The following SCFD2 variants were observed in gnomAD, a reference collection of about 807,000 sequenced individuals.
The protein encoded by SCFD2 is sec1 family domain containing 2.
In SCFD2, 54 loss-of-function variants were observed where a neutral mutation model predicts 58.9. That is an observed-to-expected ratio of 0.92 (90% CI 0.74 to 1.15). The LOEUF is 1.15. SCFD2 is among the 50% of genes most tolerant of loss of function. The pLI is 0.00. For missense variants in SCFD2, 805 were observed against 836.6 expected, an observed-to-expected ratio of 0.96 and a Z score of 0.47; for synonymous variants, 321 against 335.9, an observed-to-expected ratio of 0.96 and a Z score of 0.49.
rs4342243 is a variant in SCFD2 at position 52,998,070 on chromosome 4, A to G, written c.1562-77200T>C. Among the ~76,000 whole-genome samples, 213 of 152,286 alleles carry G rather than the reference A, an allele frequency of 1.4e-3. 3 individuals are homozygous for G. In the East Asian group the frequency reaches 0.032, roughly 23 times the overall value. ...CAACCCCTTCATTTTACAGATGGTT[A>G]AGTTAGGATCCAGAGAGATTATTTC... On this transcript the variant is annotated intron_variant, in intron 5 of 8. Coordinates refer to ENST00000401642, the MANE Select transcript of SCFD2 (RefSeq NM_152540.4).
intron 5 of SCFD2, among the ~76,000 whole-genome samples, chr4:53,014,978 C>T (rs922904): frequency 0.26 from 39,134 of 152,028 alleles, 5,328 homozygotes; most frequent in East Asian, 0.32. Flanking sequence ...TCCACTAGAA[C>T]GTTTTACTGG....
At chr4:53,237,904 G>A (rs1729707154) in intron 4 of SCFD2, among the ~76,000 whole-genome samples, 1 of 90,356 alleles carries the variant, frequency 1.1e-5, no homozygotes, top group Non-Finnish European at 2.3e-5. Context: ...CCTGGCGGGG[G>A]GCTGACCCCC....
chr4:53,340,712 A>G (rs11933772), intron 2 of SCFD2, among the ~76,000 whole-genome samples: 108,739 of 152,152 alleles, frequency 0.71, 39,120 homozygotes, highest in Middle Eastern at 0.8. Flanking sequence ...GCAATTCCCA[A>G]TAGGGGGCGA....
chr4:53,142,873 G>T (rs564719540), intron 5 of SCFD2, among the ~76,000 whole-genome samples: 1 of 152,258 alleles, frequency 6.6e-6, no homozygotes, highest in East Asian at 1.9e-4. Context: ...CCAGTGGTAA[G>T]TTTGAATATG....
chr4:53,331,220 T>A (rs1733451617), intron 2 of SCFD2, among the ~76,000 whole-genome samples: 1 of 151,308 alleles, frequency 6.6e-6, no homozygotes, highest in Non-Finnish European at 1.5e-5. Flanking sequence ...ACCCAGGAAT[T>A]GAACTCAGCT....
intron 7 of SCFD2, among the ~76,000 whole-genome samples, chr4:52,907,003 C>T (rs1719362603): frequency 6.6e-6 from 1 of 152,150 alleles, no homozygotes; most frequent in African/African-American, 2.4e-5. Context: ...AGGAGTCTGC[C>T]AGTCCAAAAG....
chr4:52,988,221 C>A (rs1285543640), intron 5 of SCFD2, among the ~76,000 whole-genome samples: 1 of 152,128 alleles, frequency 6.6e-6, no homozygotes, highest in Non-Finnish European at 1.5e-5. Flanking sequence ...AATCACACTC[C>A]GAGTTTTGAC....
rs762338400 is a variant in SCFD2, at chr4:52,992,151, C to T, written c.1562-71281G>A. On this transcript the variant is annotated intron_variant, in intron 5 of 8. Coordinates refer to ENST00000401642, the MANE Select transcript of SCFD2 (RefSeq NM_152540.4). ...GCCTGATTCTCCTGCCTCAGCCTGT[C>T]GAGTGCCTGGGATTGCAGGAGCGCG... is the stretch of plus-strand genomic sequence containing the variant. Among the ~76,000 whole-genome samples, 8 of 152,132 alleles carry T rather than the reference C, an allele frequency of 5.3e-5. No homozygotes were observed. In the East Asian group the frequency reaches 5.8e-4, roughly 11 times the overall value.
intron 5 of SCFD2, among the ~76,000 whole-genome samples, chr4:53,118,630 CTG>C (rs1725389544): frequency 6.6e-6 from 1 of 152,098 alleles, no homozygotes; most frequent in Non-Finnish European, 1.5e-5. Context: ...TAAGGGTGGG[CTG>C]AGCAGTGATC....
chr4:53,128,049 TA>T (rs34739040), intron 5 of SCFD2, among the ~76,000 whole-genome samples: 18,981 of 111,010 alleles, frequency 0.17, 1,146 homozygotes, highest in Admixed American at 0.22. Flanking sequence ...GGCCATGTCC[TA>T]AAAAAAAAAA....
chr4:53,273,532 A>G, intron 4 of SCFD2: 1 of 218,672 alleles, frequency 4.6e-6, no homozygotes, highest in South Asian at 1.5e-4. Context: ...ATGAAGAGCA[A>G]GAAAGGTCCA....
intron 2 of SCFD2, among the ~76,000 whole-genome samples, chr4:53,320,282 C>A (rs1732987636): frequency 6.6e-6 from 1 of 152,186 alleles, no homozygotes; most frequent in African/African-American, 2.4e-5. Flanking sequence ...AACTAAAATG[C>A]CAATTTCTGA....
chr4:53,140,578 A>C (rs868674011), intron 5 of SCFD2, among the ~76,000 whole-genome samples: 2 of 151,960 alleles, frequency 1.3e-5, no homozygotes, highest in Middle Eastern at 6.8e-3. Flanking sequence ...TGCATTCATA[A>C]AAATAGGGAG....
chr4:53,231,608 T>C (rs1362442652), intron 4 of SCFD2, among the ~76,000 whole-genome samples: 2 of 152,182 alleles, frequency 1.3e-5, no homozygotes, highest in Non-Finnish European at 2.9e-5. Flanking sequence ...TTAAGGAGAA[T>C]TTAAATCAGG....
intron 4 of SCFD2, among the ~76,000 whole-genome samples, chr4:53,187,559 C>T (rs902449466): frequency 2.0e-5 from 3 of 152,092 alleles, no homozygotes; most frequent in Non-Finnish European, 4.4e-5. Context: ...ACCTAGTGAT[C>T]TAACAATGAG....
At chr4:53,236,797 TAA>T (rs1462477166) in intron 4 of SCFD2, among the ~76,000 whole-genome samples, 1 of 149,406 alleles carries the variant, frequency 6.7e-6, no homozygotes, top group Admixed American at 6.7e-5. Context: ...TCTAACTACT[TAA>T]AGTCACTGTT....
chr4:52,902,946 G>A (rs980461117), intron 7 of SCFD2, among the ~76,000 whole-genome samples: 1 of 152,182 alleles, frequency 6.6e-6, no homozygotes, highest in African/African-American at 2.4e-5. Flanking sequence ...AGGAAGGAAT[G>A]CATGAAAAGA....
chr4:53,153,068 G>A lies in SCFD2; in HGVS notation c.1312-7486C>T, dbSNP rs144732091. On this transcript the variant is annotated intron_variant, in intron 4 of 8. Coordinates refer to ENST00000401642, the MANE Select transcript of SCFD2 (RefSeq NM_152540.4). ...AGTGTCTGCAGCTTTTCCAAGCTCC[G>A]GATGCAAGCTGCCAATGGCTCCACC... 3.3e-4 allele frequency among the ~76,000 whole-genome samples: 50 copies of A among 152,264 alleles called. No homozygotes were observed. In the East Asian group the frequency reaches 5.2e-3, roughly 16 times the overall value.
In SCFD2 at chr4:53,302,815, T is replaced by A. The variant is rs773245897; in HGVS notation, c.1135+10821A>T. On this transcript the variant is annotated intron_variant, in intron 3 of 8. Coordinates refer to ENST00000401642, the MANE Select transcript of SCFD2 (RefSeq NM_152540.4). Reference sequence around the variant, plus strand: ...AATGCTGCATATCTACAACTATCTGTTCTTTGACAAACCTGACAAAAACAA... The same window carrying A: ...AATGCTGCATATCTACAACTATCTGATCTTTGACAAACCTGACAAAAACAA... Among the ~76,000 whole-genome samples, 12 of 152,206 alleles carry A rather than the reference T, an allele frequency of 7.9e-5. 1 individual carries two copies. In the South Asian group the frequency reaches 1.7e-3, roughly 21 times the overall value.
Sources: gnomAD v4.1 joint callset for allele counts (sites outside exome capture counted in the v4.1 genomes callset) on GRCh38, gnomAD v4.1.1 for gene constraint, MANE v1.5 for transcripts, NCBI Gene and HGNC (gene_info 2026-07-23, HGNC 2026-07-21) for gene names.